FARP2: variants seen among roughly 807,000 people sequenced by gnomAD.
FARP2 encodes FERM, ARHGEF and pleckstrin domain-containing protein 2.
A neutral mutation model predicts 130.5 loss-of-function variants in FARP2; 111 were observed. That is an observed-to-expected ratio of 0.85 (90% CI 0.73 to 1.00). The LOEUF (loss-of-function observed/expected upper bound fraction) is 1.00, where lower values mean the gene tolerates loss of function less well. FARP2 is among the 50% of genes least tolerant of loss of function. The pLI, the probability that FARP2 is intolerant of heterozygous loss-of-function variation, is 0.00. For missense variants in FARP2, 1,385 were observed against 1,346.3 expected (o/e 1.03, Z -0.45); for synonymous variants, 504 against 516.9 (o/e 0.98, Z 0.34).
chr2:241,427,802 G>A (rs1429004256), intron 8 of FARP2, among the ~76,000 whole-genome samples: 1 of 151,900 alleles, frequency 6.6e-6, no homozygotes, highest in Non-Finnish European at 1.5e-5. Flanking sequence ...GTCTCACTCT[G>A]TCGCCCAGGT....
chr2:241,475,907 AT>A lies in FARP2; in HGVS notation c.2183del (p.Ile728ThrfsTer9). 1.2e-6 allele frequency: 2 copies of A among 1,604,672 alleles called. No individual in the cohort carries two copies. Among genetic ancestry groups the A allele is most frequent in the Non-Finnish European group, 1.7e-6 (2 of 1,171,696 alleles). ...GACCACCACACTACAGCACATTCTC[AT>A]CCGGCTGGAGAACCTGCAGAAGCTA... ...EVTTTLQHILIRLENLQKLTE... is the reference protein window; with the variant it reads ...EVTTTLQHILXRLENLQKLTE... On this transcript the variant is annotated frameshift_variant, in exon 19 of 27. Transcript: ENST00000264042. LOFTEE classifies it high-confidence loss of function. This position sits in a 1 kb window ranked among gnomAD's most constrained non-coding sequence, Gnocchi z 4.4.
intron 5 of FARP2, among the ~76,000 whole-genome samples, chr2:241,409,038 T>TAGATGATAGATAGATA (rs1553715970): frequency 2.1e-5 from 3 of 145,930 alleles, no homozygotes; most frequent in Non-Finnish European, 3.0e-5. Context: ...GATAGATAGA[T>TAGATGATAGATAGATA]GATAGATAGA....
At chr2:241,370,128 C>A (rs1164252400) in intron 1 of FARP2, among the ~76,000 whole-genome samples, 1 of 152,032 alleles carries the variant, frequency 6.6e-6, no homozygotes, top group Non-Finnish European at 1.5e-5. Flanking sequence ...CACAATAGGG[C>A]AACTATAGTT....
chr2:241,464,652 C>T (rs1417121424), intron 17 of FARP2, among the ~76,000 whole-genome samples: 1 of 151,920 alleles, frequency 6.6e-6, no homozygotes, highest in Non-Finnish European at 1.5e-5. Context: ...AGGATTCCCT[C>T]AGAATAAAGT....
chr2:241,398,306 A>G, intron 2 of FARP2, among the ~76,000 whole-genome samples: 1 of 152,088 alleles, frequency 6.6e-6, no homozygotes, highest in East Asian at 1.9e-4. Context: ...AAAAGTAGCC[A>G]GTGTTTTGAT....
chr2:241,357,651 A>G (rs554262532), intron 1 of FARP2, among the ~76,000 whole-genome samples: 1 of 152,260 alleles, frequency 6.6e-6, no homozygotes, highest in African/African-American at 2.4e-5. Flanking sequence ...GGTACTTGCA[A>G]ATACCATCTG....
rs1219961959 is a variant in FARP2, at chr2:241,373,120, G to A, written c.13G>A (p.Glu5Lys). The change falls in exon 2 of 27, where the codon GAA (glutamate) becomes AAA (lysine). Residue 5 changes from glutamate (E) to lysine (K), a missense_variant. Glu to Lys is a moderately conservative substitution (Grantham distance 56, BLOSUM62 1). Transcript: ENST00000264042. MGEI[E>K]GTYRVLQTAG... ...CTCATGGTGAAGAATGGGGGAGATA[G>A]AAGGAACATACAGAGTCCTGCAGAC... 1 of 1,382,444 alleles carries A rather than the reference G, an allele frequency of 7.2e-7. No individual in the cohort carries two copies. The highest frequency in any genetic ancestry group is 1.7e-5 in the South Asian group (1 of 59,582). 85.6% of individuals were successfully genotyped at this position (1,382,444 alleles called of 1,614,324 possible).
intron 21 of FARP2, among the ~76,000 whole-genome samples, chr2:241,486,346 C>T (rs2064751276): frequency 1.4e-5 from 2 of 146,248 alleles, no homozygotes; most frequent in African/African-American, 2.5e-5. Context: ...CCTGTAGTCC[C>T]AGCTACTTGG....
chr2:241,406,864 G>C (rs1428348127), intron 4 of FARP2, among the ~76,000 whole-genome samples: 4 of 152,124 alleles, frequency 2.6e-5, no homozygotes, highest in Admixed American at 1.3e-4. Context: ...CTGGAGTGCA[G>C]TGGCACGATC....
At chr2:241,394,271 C>G (rs1400723022) in intron 2 of FARP2, among the ~76,000 whole-genome samples, 1 of 152,156 alleles carries the variant, frequency 6.6e-6, no homozygotes, top group African/African-American at 2.4e-5. Flanking sequence ...GTAATCCCAG[C>G]ACTTTGGGAG....
At position 241,453,479 on chromosome 2, in the gene FARP2, A is replaced by G. The variant is rs371576814; in HGVS notation, c.1412-3268A>G. ...CTACTAAAAATACAAAAAATTAGCC[A>G]GGCATGGTGGTGGGAGCCTGTAGTC... is the stretch of plus-strand genomic sequence containing the variant. On this transcript the variant is annotated intron_variant, in intron 13 of 26. Coordinates refer to ENST00000264042, the MANE Select transcript of FARP2 (RefSeq NM_014808.4). 5.6e-4 allele frequency among the ~76,000 whole-genome samples: 81 copies of G among 144,890 alleles called. No homozygotes were observed. The Middle Eastern group carries it at 0.013, about 23-fold the overall frequency.
chr2:241,468,086 C>A, intron 17 of FARP2, 54 bp from the exon 18 acceptor site: 2 of 1,196,036 alleles, frequency 1.7e-6, no homozygotes, highest in South Asian at 2.4e-5. Context: ...GGCCAGTCTC[C>A]CCCTGGACTC....
chr2:241,370,142 AC>A (rs1487913232), intron 1 of FARP2, among the ~76,000 whole-genome samples: 5 of 152,170 alleles, frequency 3.3e-5, no homozygotes, highest in Non-Finnish European at 2.9e-5. Flanking sequence ...TATAGTTAAT[AC>A]CTTATTGTAT....
intron 1 of FARP2, among the ~76,000 whole-genome samples, chr2:241,366,345 T>A (rs2061320594): frequency 6.6e-6 from 1 of 151,712 alleles, no homozygotes; most frequent in African/African-American, 2.4e-5. Context: ...CTTCAGCTCC[T>A]AAAACTTCTG....
At chr2:241,374,256 C>T (rs552409013) in intron 2 of FARP2, among the ~76,000 whole-genome samples, 1 of 152,292 alleles carries the variant, frequency 6.6e-6, no homozygotes, top group African/African-American at 2.4e-5. Flanking sequence ...AAGGGATCCT[C>T]CTACCTCAGC....
rs2061346370 is a variant in FARP2, at chr2:241,367,727, C to T, written c.-24-5357C>T. Reference sequence around the variant, plus strand: ...TTAAATTGCAAAATAGAAATGTTAGCCTCTACCCGTTACTGTGGATGGTGG... The same window carrying T: ...TTAAATTGCAAAATAGAAATGTTAGTCTCTACCCGTTACTGTGGATGGTGG... On this transcript the variant is annotated intron_variant, in intron 1 of 26. Transcript: ENST00000264042. Among the ~76,000 whole-genome samples the T allele has an allele frequency of 3.3e-5, 5 of 151,980 alleles. No individual in the cohort carries two copies. In the South Asian group the frequency reaches 1.0e-3, roughly 32 times the overall value.
intron 2 of FARP2, among the ~76,000 whole-genome samples, chr2:241,394,054 CT>C (rs1201516442): frequency 1.3e-5 from 2 of 152,210 alleles, no homozygotes; most frequent in East Asian, 3.9e-4. Context: ...GATGCCAGTG[CT>C]CTAACTGGCT....
In FARP2 at chr2:241,475,708, T is replaced by C. The variant is rs1263632487; in HGVS notation, c.2132-149T>C. ...AAACCCATCCCTGGTACCAAAAATG[T>C]TGGGGACCGCTGCTATAAGGAGTCG... On this transcript the variant is annotated intron_variant, in intron 18 of 26. Transcript: ENST00000264042. This position sits in a 1 kb window ranked among gnomAD's most constrained non-coding sequence, Gnocchi z 4.4. 3 of 562,420 alleles carry C rather than the reference T, an allele frequency of 5.3e-6. No individual in the cohort carries two copies. The highest frequency in any genetic ancestry group is 2.0e-5 in the African/African-American group (1 of 51,058). The allele number at this position is 562,420 out of a possible 1,614,324, so 34.8% of individuals were successfully genotyped here. A position where few individuals can be genotyped will look rare whatever the true frequency, so the allele number is the denominator to read the frequency against.
At position 241,402,855 on chromosome 2, in the gene FARP2, TATATATATATATATATATATATATA is replaced by T. The variant is rs1559734887; in HGVS notation, c.184-972_184-948del. 9.6e-4 allele frequency among the ~76,000 whole-genome samples: 11 copies of T among 11,476 alleles called. 1 individual carries two copies. Among genetic ancestry groups the T allele is most frequent in the African/African-American group, 2.8e-3 (9 of 3,266 alleles). The allele number at this position is 11,476 out of a possible 152,430, so 7.5% of individuals were successfully genotyped here. On this transcript the variant is annotated intron_variant, in intron 2 of 26. Transcript: ENST00000264042. ...GCTAATTTATATATATATATATATA[TATATATATATATATATATATATATA>T]TTTTTTTTTTTTTTTTTTTTTTTTT... is the stretch of plus-strand genomic sequence containing the variant.
Sources: gnomAD v4.1 joint callset for allele counts (sites outside exome capture counted in the v4.1 genomes callset) on GRCh38, gnomAD v4.1.1 for gene constraint, Gnocchi (gnomAD v3.1) non-coding constraint, MANE v1.5 for transcripts, NCBI Gene and HGNC (gene_info 2026-07-23, HGNC 2026-07-21) for gene names.